The following MTA3 variants were observed in gnomAD, a reference collection of about 807,000 sequenced individuals.
MTA3 encodes metastasis-associated protein MTA3.
In MTA3, 34 loss-of-function variants were observed where a neutral mutation model predicts 83.5. That is an observed-to-expected ratio of 0.41 (90% CI 0.31 to 0.54). The LOEUF is 0.54. MTA3 is among the 20% of genes least tolerant of loss of function. The pLI is 0.33. For synonymous variants in MTA3, 303 were observed against 252.7 expected, an observed-to-expected ratio of 1.20 and a Z score of -1.89; for missense variants, 761 against 726.4, an observed-to-expected ratio of 1.05 and a Z score of -0.55.
At chr2:42,610,065 A>G (rs1320684138) in intron 4 of MTA3, among the ~76,000 whole-genome samples, 2 of 152,130 alleles carry the variant, frequency 1.3e-5, no homozygotes, top group African/African-American at 4.8e-5. Flanking sequence ...GTGCCACTGC[A>G]CTCCAGCCTG....
At chr2:42,616,421 CTTT>C (rs111768597) in intron 4 of MTA3, among the ~76,000 whole-genome samples, 1 of 139,154 alleles carries the variant, frequency 7.2e-6, no homozygotes. Context: ...GATCTCTTGT[CTTT>C]TTTTTTTTTT....
chr2:42,555,677 A>G (rs1355226422), intron 2 of MTA3, among the ~76,000 whole-genome samples: 1 of 151,614 alleles, frequency 6.6e-6, no homozygotes, highest in Non-Finnish European at 1.5e-5. Context: ...CTGAGGCAGG[A>G]GAATGGCATG....
chr2:42,738,804 G>A (rs190543265), intron 16 of MTA3, among the ~76,000 whole-genome samples: 21 of 152,322 alleles, frequency 1.4e-4, no homozygotes, highest in African/African-American at 3.6e-4. Context: ...CCCCCAGGGC[G>A]TACCTGTTTC....
intron 2 of MTA3, among the ~76,000 whole-genome samples, chr2:42,523,372 C>T (rs1461024079): frequency 1.3e-5 from 2 of 152,112 alleles, no homozygotes; most frequent in Non-Finnish European, 2.9e-5. Flanking sequence ...GGCAGTGAGA[C>T]CAGGCCCTTA....
At chr2:42,683,087 A>C (rs1356524284) in intron 9 of MTA3, among the ~76,000 whole-genome samples, 1 of 152,038 alleles carries the variant, frequency 6.6e-6, no homozygotes, top group Non-Finnish European at 1.5e-5. Context: ...AAAACAAAAC[A>C]AAAAAACCCC....
intron 12 of MTA3, among the ~76,000 whole-genome samples, chr2:42,706,734 C>G (rs1319634269): frequency 6.6e-6 from 1 of 152,120 alleles, no homozygotes; most frequent in East Asian, 1.9e-4. Context: ...AACTACAAAA[C>G]AAAAACTAAC....
chr2:42,722,789 A>C, intron 15 of MTA3, 100 bp from the exon 16 acceptor site: 1 of 1,368,240 alleles, frequency 7.3e-7, no homozygotes, highest in South Asian at 1.4e-5. Context: ...ACTGACTCTC[A>C]GCTCATTAAG....
At chr2:42,553,292 C>T (rs1159928048) in intron 2 of MTA3, among the ~76,000 whole-genome samples, 3 of 151,780 alleles carry the variant, frequency 2.0e-5, no homozygotes, top group Admixed American at 6.6e-5. Context: ...GGCATGGTGG[C>T]GGGTGCCTGT....
At chr2:42,610,866 T>C (rs1684109391) in intron 4 of MTA3, among the ~76,000 whole-genome samples, 1 of 152,142 alleles carries the variant, frequency 6.6e-6, no homozygotes, top group Non-Finnish European at 1.5e-5. Context: ...GTTAAAGAAA[T>C]GCCTTCAACT....
chr2:42,640,373 T>G (rs1292313426), intron 5 of MTA3, 137 bp downstream of exon 5: 4 of 629,748 alleles, frequency 6.4e-6, no homozygotes, highest in Non-Finnish European at 1.0e-5. Context: ...AAAAGTATAG[T>G]GACTAGAATG....
intron 4 of MTA3, among the ~76,000 whole-genome samples, chr2:42,637,614 C>T (rs1358203931): frequency 6.6e-6 from 1 of 152,048 alleles, no homozygotes; most frequent in Non-Finnish European, 1.5e-5. Flanking sequence ...TCTGACTCAA[C>T]CTCTTAGCTG....
At chr2:42,537,497 G>A (rs746669591) in intron 2 of MTA3, among the ~76,000 whole-genome samples, 8 of 152,044 alleles carry the variant, frequency 5.3e-5, no homozygotes, top group Admixed American at 4.6e-4. Context: ...CCCGGGAAGC[G>A]GAGGTTGCAG....
At chr2:42,628,408 A>G (rs1686338387) in intron 4 of MTA3, among the ~76,000 whole-genome samples, 1 of 151,774 alleles carries the variant, frequency 6.6e-6, no homozygotes, top group Non-Finnish European at 1.5e-5. Flanking sequence ...ATTTTTTGGT[A>G]TTTTTAGTAG....
Position 42,726,386 on chromosome 2 carries a change from G to C in MTA3, c.1759+3351G>C, listed in dbSNP as rs182050947. ...TATTATTATTGTACTTCAAGTTTTAGGGTACATGTGCACAATGTGCAGGTT... is the reference window on the plus strand; with the variant it reads ...TATTATTATTGTACTTCAAGTTTTACGGTACATGTGCACAATGTGCAGGTT... On this transcript the variant is annotated intron_variant, in intron 16 of 16. Coordinates refer to ENST00000405094, the MANE Select transcript of MTA3 (RefSeq NM_001330442.2). Among the ~76,000 whole-genome samples the C allele has an allele frequency of 2.8e-3, 422 of 151,508 alleles. 2 individuals are homozygous for C. The highest frequency in any genetic ancestry group is 8.9e-3 in the African/African-American group (368 of 41,220).
chr2:42,687,588 G>C (rs142293128), intron 9 of MTA3, among the ~76,000 whole-genome samples: 1 of 152,058 alleles, frequency 6.6e-6, no homozygotes, highest in Non-Finnish European at 1.5e-5. Flanking sequence ...GGGGTTGCTG[G>C]GTCTTACATG....
At chr2:42,711,779 A>AGTGTTTGTGTGTGTGT (rs1558610119) in intron 14 of MTA3, among the ~76,000 whole-genome samples, 1 of 148,446 alleles carries the variant, frequency 6.7e-6, no homozygotes, top group South Asian at 2.1e-4. Context: ...TAGGAGAGAG[A>AGTGTTTGTGTGTGTGT]GAGAGTGTGT....
Position 42,656,241 on chromosome 2 carries a change from G to A in MTA3, c.541G>A (p.Val181Ile), listed in dbSNP as rs887545705. The stretch of plus-strand genomic sequence containing the variant: ...GGAACAATCAAAATTGGAAGTTAAA[G>A]TTTGGGATCCAAATAGCCCACTTAC... ...EREQSKLEVK[V>I]WDPNSPLTDR... is the part of the protein sequence containing the mutation. Residue 181 changes from valine to isoleucine, a missense_variant, in exon 7 of 17, where the codon GTT (valine) becomes ATT (isoleucine). Val to Ile is a conservative substitution (Grantham distance 29). Transcript: ENST00000405094. 8 of 1,613,824 alleles carry A rather than the reference G, an allele frequency of 5.0e-6. No individual in the cohort carries two copies. Among genetic ancestry groups the A allele is most frequent in the Admixed American group, 1.7e-5 (1 of 60,006 alleles).
chr2:42,611,516 A>G (rs1439305275), intron 4 of MTA3, among the ~76,000 whole-genome samples: 1 of 152,010 alleles, frequency 6.6e-6, no homozygotes, highest in African/African-American at 2.4e-5. Context: ...ACCTCATGTC[A>G]TTGTTTTTAT....
intron 4 of MTA3, among the ~76,000 whole-genome samples, chr2:42,635,348 C>A (rs1247134570): frequency 6.6e-6 from 1 of 152,142 alleles, no homozygotes; most frequent in Non-Finnish European, 1.5e-5. Flanking sequence ...GTAACTTGGG[C>A]CGGGCAAAGT....
Sources: allele counts gnomAD v4.1 joint callset (sites outside exome capture counted in the v4.1 genomes callset), GRCh38; gene constraint gnomAD v4.1.1; transcripts MANE v1.5; gene names NCBI Gene and HGNC (gene_info 2026-07-23, HGNC 2026-07-21).